Variants in PLA2G7 observed in about 807,000 individuals in gnomAD.
PLA2G7 encodes platelet-activating factor acetylhydrolase.
PLA2G7 carries 63 observed loss-of-function variants against 49.6 expected under a neutral mutation model. The ratio of observed to expected loss-of-function variants is 1.27; its 90% confidence interval spans 1.04 to 1.57. The LOEUF (loss-of-function observed/expected upper bound fraction) is 1.57, where lower values mean the gene tolerates loss of function less well. Among genes scored for constraint, PLA2G7 ranks in the 40% most tolerant of loss-of-function variants. The pLI is 0.00. For missense variants in PLA2G7, 596 were observed against 521.2 expected (o/e 1.14, Z -1.40); for synonymous variants, 193 against 169.9 (o/e 1.14, Z -1.06).
chr6:46,723,240 A>T (rs1765458483), intron 1 of PLA2G7, among the ~76,000 whole-genome samples: 1 of 152,236 alleles, frequency 6.6e-6, no homozygotes, highest in Non-Finnish European at 1.5e-5. Context: ...CCAACAAAAT[A>T]TAACAAATAT....
Position 46,708,031 on chromosome 6 carries a change from A to G in PLA2G7, c.1000T>C (p.Cys334Arg). ...TTTCTTTCTTTATCAGGTGAGTAGC[A>G]TTTTTTCATTTTTATGATATTAGCA... The part of the protein sequence containing the change: ...YPANIIKMKK[C>R]YSPDKERKMI... The change falls in exon 10 of 12, where the codon TGC becomes CGC. Residue 334 changes from cysteine to arginine, a missense_variant. Transcript: ENST00000274793. 1 of 1,588,376 alleles carries G rather than the reference A, an allele frequency of 6.3e-7. No homozygotes were observed. The highest frequency in any genetic ancestry group is 8.6e-7 in the Non-Finnish European group (1 of 1,157,064).
rs559147180 is a variant in PLA2G7 at position 46,712,502 on chromosome 6, G to A, written c.471-165C>T. 2.0e-5 allele frequency among the ~76,000 whole-genome samples: 3 copies of A among 152,286 alleles called. No homozygotes were observed. The East Asian group carries it at 5.8e-4, about 29-fold the overall frequency. ...AGGAGGGTGATTTTGTTCCTTAGGGGATATTTGACAATGTCTGGAGGTATT... is the reference window on the plus strand; with the variant it reads ...AGGAGGGTGATTTTGTTCCTTAGGGAATATTTGACAATGTCTGGAGGTATT... On this transcript the variant is annotated intron_variant, in intron 5 of 11. Transcript: ENST00000274793.
At chr6:46,729,096 T>C (rs1765654845) in intron 1 of PLA2G7, among the ~76,000 whole-genome samples, 1 of 152,178 alleles carries the variant, frequency 6.6e-6, no homozygotes, top group Non-Finnish European at 1.5e-5. Context: ...GAATCTGTTG[T>C]GCAGGTGCAA....
At chr6:46,732,804 C>G (rs147067799) in intron 1 of PLA2G7, among the ~76,000 whole-genome samples, 1 of 152,090 alleles carries the variant, frequency 6.6e-6, no homozygotes. Flanking sequence ...AGGTGGCTGG[C>G]GTCATGAAGA....
chr6:46,708,685 T>C (rs1156726250), intron 9 of PLA2G7, among the ~76,000 whole-genome samples: 1 of 152,122 alleles, frequency 6.6e-6, no homozygotes, highest in Non-Finnish European at 1.5e-5. Context: ...TAAAAGTAAG[T>C]TTATCCTATG....
chr6:46,719,985 C>T (rs1765343518), intron 2 of PLA2G7, among the ~76,000 whole-genome samples: 1 of 152,162 alleles, frequency 6.6e-6, no homozygotes, highest in Non-Finnish European at 1.5e-5. Context: ...GGCTCTTCTT[C>T]CATTAAAAGA....
intron 1 of PLA2G7, among the ~76,000 whole-genome samples, chr6:46,732,080 A>G (rs1383917673): frequency 1.3e-5 from 2 of 152,104 alleles, no homozygotes; most frequent in Non-Finnish European, 1.5e-5. Flanking sequence ...GTAAAATCCA[A>G]ATGTTTCCCT....
At chr6:46,732,510 CT>C (rs1765765380) in intron 1 of PLA2G7, among the ~76,000 whole-genome samples, 1 of 152,090 alleles carries the variant, frequency 6.6e-6, no homozygotes, top group Non-Finnish European at 1.5e-5. Context: ...GCATATCTAT[CT>C]TACTAACTGT....
Position 46,705,134 on chromosome 6 carries a change from GA to G in PLA2G7, c.1189+18del. 3.2e-6 allele frequency: 5 copies of G among 1,581,500 alleles called. No homozygotes were observed. The highest frequency in any genetic ancestry group is 4.3e-6 in the Non-Finnish European group (5 of 1,152,062). On this transcript the variant is annotated intron_variant, in intron 11 of 11. Coordinates refer to ENST00000274793, the MANE Select transcript of PLA2G7 (RefSeq NM_005084.4). Reference sequence around the variant, plus strand: ...CTGAGATTCATCTGGTTTAGGTCATGAAAAAAATAGTTTCTTACCTAAATGC... The same window carrying G: ...CTGAGATTCATCTGGTTTAGGTCATGAAAAAATAGTTTCTTACCTAAATGC...
In PLA2G7 at chr6:46,708,151, C is replaced by A; in HGVS notation, c.880G>T (p.Ala294Ser). The change falls in exon 10 of 12, where the codon GCC becomes TCC. Residue 294 changes from alanine (A) to serine (S), a missense_variant. Ala to Ser is a moderately conservative substitution (Grantham distance 99, BLOSUM62 1). Transcript: ENST00000274793. Reference sequence around the variant, plus strand: ...AGTGGAAACATCCATGCATCCAGGGCAATACCACATCTGTAGATATTTGTT... The same window carrying A: ...AGTGGAAACATCCATGCATCCAGGGAAATACCACATCTGTAGATATTTGTT... Reference protein sequence around the residue: ...SEDQRFRCGIALDAWMFPLGD... With the variant: ...SEDQRFRCGISLDAWMFPLGD... The A allele has an allele frequency of 6.2e-7, 1 of 1,610,548 alleles. No individual in the cohort carries two copies. The highest frequency in any genetic ancestry group is 8.5e-7 in the Non-Finnish European group (1 of 1,176,954).
chr6:46,712,430 C>T (rs1765059549), intron 5 of PLA2G7, 93 bp from the exon 6 acceptor site: 2 of 902,378 alleles, frequency 2.2e-6, no homozygotes, highest in South Asian at 1.3e-5. Context: ...GGCCATTACA[C>T]CCCTGTAGTA....
Position 46,704,625 on chromosome 6 carries a change from T to C in PLA2G7, c.1261A>G (p.Asn421Asp). The change falls in exon 12 of 12, where the codon AAC becomes GAC. Residue 421 changes from asparagine (N) to aspartate (D), a missense_variant. Coordinates refer to ENST00000274793, the MANE Select transcript of PLA2G7 (RefSeq NM_005084.4). Reference sequence around the variant, plus strand: ...ATGTGTTGATTGGTTGTGTTAATGTTGGTCCCTGGAATAAGATTCTCATCA... The same window carrying C: ...ATGTGTTGATTGGTTGTGTTAATGTCGGTCCCTGGAATAAGATTCTCATCA... ...GDDENLIPGT[N>D]INTTNQHIML... 1 of 1,585,020 alleles carries C rather than the reference T, an allele frequency of 6.3e-7. No individual in the cohort carries two copies. Among genetic ancestry groups the C allele is most frequent in the South Asian group, 1.1e-5 (1 of 90,576 alleles).
chr6:46,715,780 G>A (rs1336060927), intron 4 of PLA2G7, among the ~76,000 whole-genome samples: 2 of 152,320 alleles, frequency 1.3e-5, no homozygotes, highest in South Asian at 2.1e-4. Flanking sequence ...ATCGTTTTGA[G>A]GGGTAAATGT....
At position 46,716,364 on chromosome 6, in the gene PLA2G7, AG is replaced by A. The variant is rs1157163067; in HGVS notation, c.376+19del. The A allele has an allele frequency of 1.2e-5, 19 of 1,613,458 alleles. No homozygotes were observed. Among genetic ancestry groups the A allele is most frequent in the Non-Finnish European group, 1.6e-5 (19 of 1,179,498 alleles). On this transcript the variant is annotated intron_variant, in intron 4 of 11. Transcript: ENST00000274793. ...TCATACATGCAAGAGCCTACAAAGA[AG>A]GATCAACAGAAATCTTACCAAAGAG...
At position 46,712,329 on chromosome 6, in the gene PLA2G7, TAA is replaced by T. The variant is rs1203032741; in HGVS notation, c.477_478del (p.Tyr160PhefsTer6). ...TGCCAGGTCAATGCCAATAGCAGAA[TAA>T]AGTGTCCTTCAAAACAAAAAGAGGG... On this transcript the variant is annotated frameshift_variant, in exon 6 of 12. Transcript: ENST00000274793. LOFTEE classifies it high-confidence loss of function. 2 of 1,610,884 alleles carry T rather than the reference TAA, an allele frequency of 1.2e-6. No homozygotes were observed. The highest frequency in any genetic ancestry group is 1.7e-6 in the Non-Finnish European group (2 of 1,177,280).
chr6:46,709,382 G>A lies in PLA2G7; in HGVS notation c.814C>T (p.His272Tyr), dbSNP rs201187668. The A allele has an allele frequency of 2.6e-5, 42 of 1,605,918 alleles. No individual in the cohort carries two copies. The highest frequency in any genetic ancestry group is 2.2e-5 in the East Asian group (1 of 44,678). The change falls in exon 9 of 12, where the codon CAT becomes TAT. Residue 272 changes from histidine (H) to tyrosine (Y), a missense_variant. Physicochemically the swap from His to Tyr is moderately conservative, Grantham distance 83 (BLOSUM62 2). Transcript: ENST00000274793. ...ATAACCGTTGCTCCACCAAAAGAAT[G>A]TCCAATTACTGCTATTTTTTCCCTA... ...IDREKIAVIG[H>Y]SFGGATVIQT...
At chr6:46,725,679 A>G (rs34374322) in intron 1 of PLA2G7, among the ~76,000 whole-genome samples, 8,730 of 152,228 alleles carry the variant, frequency 0.057, 251 homozygotes, top group East Asian at 0.11. Context: ...ATTACATTTA[A>G]TTATATTATA....
At chr6:46,719,445 GA>G (rs1765322880) in intron 2 of PLA2G7, among the ~76,000 whole-genome samples, 3 of 152,280 alleles carry the variant, frequency 2.0e-5, no homozygotes, top group Admixed American at 2.0e-4. Context: ...CACTCAATCA[GA>G]AAAGGAGTGC....
At chr6:46,724,474 T>A (rs1393221437) in intron 1 of PLA2G7, among the ~76,000 whole-genome samples, 1 of 152,220 alleles carries the variant, frequency 6.6e-6, no homozygotes, top group Non-Finnish European at 1.5e-5. Context: ...CTCGTTAGTA[T>A]AGCTATTTTG....
Sources: gnomAD v4.1 joint callset for allele counts (sites outside exome capture counted in the v4.1 genomes callset) on GRCh38, gnomAD v4.1.1 for gene constraint, MANE v1.5 for transcripts, NCBI Gene and HGNC (gene_info 2026-07-23, HGNC 2026-07-21) for gene names.